Variants in METTL15 observed in about 807,000 individuals in gnomAD.
METTL15 encodes the protein 12S rRNA N(4)-cytidine methyltransferase METTL15.
A neutral mutation model predicts 38.3 loss-of-function variants in METTL15; 34 were observed. That is an observed-to-expected ratio of 0.89 (90% CI 0.68 to 1.18). METTL15 has a LOEUF of 1.18. Ranked by LOEUF, METTL15 falls within the 50% of genes most tolerant of loss-of-function variation. METTL15 has a pLI of 0.00. For synonymous variants in METTL15, 162 were observed against 170.9 expected (o/e 0.95, Z 0.41); for missense variants, 438 against 498.4 (o/e 0.88, Z 1.15).
At chr11:28,146,651 C>T (rs1849897035) in intron 3 of METTL15, among the ~76,000 whole-genome samples, 1 of 151,796 alleles carries the variant, frequency 6.6e-6, no homozygotes, top group South Asian at 2.1e-4. Context: ...AATACAATAT[C>T]TTTTCTTTTT....
chr11:28,200,158 T>C (rs1315774188), intron 3 of METTL15, among the ~76,000 whole-genome samples: 2 of 152,300 alleles, frequency 1.3e-5, no homozygotes, highest in Admixed American at 6.5e-5. Context: ...TTTATTCTAC[T>C]TCTGTGAAAA....
At chr11:28,320,828 AT>A (rs879693585) in intron 6 of METTL15, among the ~76,000 whole-genome samples, 16 of 151,498 alleles carry the variant, frequency 1.1e-4, no homozygotes, top group African/African-American at 2.9e-4. Context: ...TAAAACTAAC[AT>A]TTTTTTTTAA....
At chr11:28,482,993 C>T (rs1449052076) in intron 6 of METTL15, among the ~76,000 whole-genome samples, 1 of 152,028 alleles carries the variant, frequency 6.6e-6, no homozygotes, top group Non-Finnish European at 1.5e-5. Flanking sequence ...CTCTCCTCTT[C>T]TTCCCTTTTT....
At chr11:28,438,803 T>A (rs1442447400) in intron 6 of METTL15, among the ~76,000 whole-genome samples, 1 of 150,898 alleles carries the variant, frequency 6.6e-6, no homozygotes, top group African/African-American at 2.4e-5. Flanking sequence ...GCCTCCTGAG[T>A]AGCTGGGATT....
At chr11:28,163,778 C>A (rs1015719303) in intron 3 of METTL15, 1 of 215,494 alleles carries the variant, frequency 4.6e-6, no homozygotes, top group African/African-American at 2.3e-5. Context: ...TTTTCTGTAG[C>A]CTGGAAGCTT....
At chr11:28,412,307 G>A (rs1240081388) in intron 5 of METTL15, among the ~76,000 whole-genome samples, 1 of 151,756 alleles carries the variant, frequency 6.6e-6, no homozygotes, top group East Asian at 1.9e-4. Flanking sequence ...GATTATTGCA[G>A]CATTATTTAC....
At chr11:28,166,530 C>T (rs4474419) in intron 3 of METTL15, among the ~76,000 whole-genome samples, 151,768 of 152,336 alleles carry the variant, frequency 1, 75,607 homozygotes, top group Non-Finnish European at 1. Flanking sequence ...TATTATGAGC[C>T]ATAATGTGTA....
chr11:28,444,681 T>G (rs2133443110), intron 6 of METTL15, among the ~76,000 whole-genome samples: 3 of 151,606 alleles, frequency 2.0e-5, no homozygotes, highest in Middle Eastern at 3.4e-3. Context: ...CTTGCAGAAA[T>G]GTTGCAAAGA....
At chr11:28,117,952 C>T (rs1243575298) in intron 3 of METTL15, among the ~76,000 whole-genome samples, 1 of 152,166 alleles carries the variant, frequency 6.6e-6, no homozygotes, top group Non-Finnish European at 1.5e-5. Context: ...CTTACTATTA[C>T]CTTTTTCTGC....
chr11:28,323,161 T>A (rs1849526548), intron 6 of METTL15, among the ~76,000 whole-genome samples: 1 of 152,162 alleles, frequency 6.6e-6, no homozygotes, highest in Admixed American at 6.6e-5. Context: ...ACTATTGACT[T>A]CATATACAAA....
intron 6 of METTL15, among the ~76,000 whole-genome samples, chr11:28,304,544 T>C (rs1857016621): frequency 6.6e-6 from 1 of 152,044 alleles, no homozygotes; most frequent in Non-Finnish European, 1.5e-5. Context: ...GGTGAAACCC[T>C]GACTCTACTA....
intron 5 of METTL15, among the ~76,000 whole-genome samples, chr11:28,399,324 A>G (rs1005083680): frequency 7.9e-5 from 12 of 151,948 alleles, no homozygotes; most frequent in African/African-American, 2.4e-4. Flanking sequence ...GCTTAAATGT[A>G]AGACCTAAAA....
intron 3 of METTL15, among the ~76,000 whole-genome samples, chr11:28,136,175 C>T (rs1362176338): frequency 3.9e-5 from 6 of 152,156 alleles, no homozygotes. Flanking sequence ...TTGTTTATTT[C>T]TGTAGCAATA....
chr11:28,325,076 C>G (rs761583154), intron 6 of METTL15, among the ~76,000 whole-genome samples: 4 of 152,188 alleles, frequency 2.6e-5, no homozygotes, highest in Admixed American at 6.5e-5. Flanking sequence ...GCTCCCCTCT[C>G]TCTGTCTGCA....
chr11:28,249,244 A>G (rs1399912329), intron 4 of METTL15, among the ~76,000 whole-genome samples: 1 of 151,976 alleles, frequency 6.6e-6, no homozygotes, highest in Non-Finnish European at 1.5e-5. Flanking sequence ...AGTGGTACCT[A>G]TCTTCATAAG....
rs184105428 is a variant in METTL15, at chr11:28,390,926, C to T, written c.*358+28890C>T. ...TCATTGAGCAGTGGTTTGTAGTTCC[C>T]CTTGAAGAGGTCCTTCACGTCCCTT... On this transcript the variant is annotated intron_variant and NMD_transcript_variant, in intron 5 of 7. Coordinates refer to the METTL15 transcript ENST00000532947. Among the ~76,000 whole-genome samples, 896 of 152,150 alleles carry T rather than the reference C, an allele frequency of 5.9e-3. 9 individuals carry two copies. The highest frequency in any genetic ancestry group is 0.019 in the African/African-American group (808 of 41,526).
chr11:28,130,096 G>C (rs1474179132), intron 3 of METTL15, among the ~76,000 whole-genome samples: 1 of 152,166 alleles, frequency 6.6e-6, no homozygotes, highest in Non-Finnish European at 1.5e-5. Flanking sequence ...GATCGCTTGA[G>C]CTCAGGAGTT....
the METTL15 span, among the ~76,000 whole-genome samples, chr11:28,532,065 CTCTA>C: frequency 6.6e-6 from 1 of 152,082 alleles, no homozygotes; most frequent in Admixed American, 6.6e-5. Context: ...GCATGTCTTT[CTCTA>C]TCTAACTACC....
intron 6 of METTL15, among the ~76,000 whole-genome samples, chr11:28,438,060 A>G (rs187470051): frequency 3.3e-4 from 51 of 152,362 alleles, no homozygotes; most frequent in Admixed American, 1.3e-4. Context: ...AAAGTGGGGG[A>G]AAAAGCAAAT....
Sources: gnomAD v4.1 joint callset for allele counts (sites outside exome capture counted in the v4.1 genomes callset) on GRCh38, gnomAD v4.1.1 for gene constraint, MANE v1.5 for transcripts, NCBI Gene and HGNC (gene_info 2026-07-23, HGNC 2026-07-21) for gene names.